Variants in PCNT observed in about 807,000 individuals in gnomAD.
The protein encoded by PCNT is kendrin.
PCNT carries 319 observed loss-of-function variants against 380.4 expected under a neutral mutation model. The observed-to-expected ratio is 0.84, with a 90% confidence interval of 0.77 to 0.92. The LOEUF (loss-of-function observed/expected upper bound fraction) is 0.92. PCNT is among the 40% of genes least tolerant of loss of function. The probability of loss-of-function intolerance (pLI) is 0.00; values close to 1 mark genes in which losing one functional copy is unlikely to be tolerated. For missense variants in PCNT, 4,400 were observed against 4,255.3 expected (o/e 1.03, Z -0.95); for synonymous variants, 1,845 against 1,735.2 (o/e 1.06, Z -1.57).
At chr21:46,394,549 A>C (rs1044105604) in intron 21 of PCNT, 29 of 984,582 alleles carry the variant, frequency 2.9e-5, no homozygotes, top group Non-Finnish European at 3.0e-5. Context: ...TTGTAAAGAC[A>C]AACGATTGAT....
At chr21:46,412,122 C>T in intron 28 of PCNT, 55 bp downstream of exon 28, 1 of 1,572,610 alleles carries the variant, frequency 6.4e-7, no homozygotes, top group Non-Finnish European at 8.6e-7. Flanking sequence ...TCCTTTTCTC[C>T]TTTGATGTCA....
intron 40 of PCNT, among the ~76,000 whole-genome samples, chr21:46,437,809 C>T (rs753962135): frequency 6.6e-6 from 1 of 152,214 alleles, no homozygotes; most frequent in East Asian, 1.9e-4. Flanking sequence ...GCGTGCCCAC[C>T]CTCCACAGGC....
chr21:46,417,689 C>A (rs1188998364), intron 30 of PCNT, among the ~76,000 whole-genome samples: 1 of 151,848 alleles, frequency 6.6e-6, no homozygotes, highest in Non-Finnish European at 1.5e-5. Flanking sequence ...TTGCTTGAGC[C>A]CAGGAATTTG....
At chr21:46,327,473 T>C (rs2083430866) in intron 2 of PCNT, among the ~76,000 whole-genome samples, 1 of 152,048 alleles carries the variant, frequency 6.6e-6, no homozygotes, top group Non-Finnish European at 1.5e-5. Flanking sequence ...TGATCACAGG[T>C]CACTGCAGCC....
At chr21:46,349,250 A>G (rs1243477609) in intron 7 of PCNT, 64 bp downstream of exon 7, 16 of 1,255,914 alleles carry the variant, frequency 1.3e-5, no homozygotes, top group Non-Finnish European at 1.8e-5. Flanking sequence ...ACTGGAAGGA[A>G]TGTCGTTCAT....
chr21:46,325,228 C>G lies in PCNT; in HGVS notation c.54+946C>G, dbSNP rs1024953391. The stretch of plus-strand genomic sequence containing the variant: ...TCTGCGAGGTGCGCGCCGCTCCCCC[C>G]CAGGATGTTCTGGCTGGGGTGCTGG... On this transcript the variant is annotated intron_variant, in intron 1 of 46. Coordinates refer to ENST00000359568, the MANE Select transcript of PCNT (RefSeq NM_006031.6). 7.1e-6 allele frequency: 7 copies of G among 982,328 alleles called. No individual in the cohort carries two copies. In the East Asian group the frequency reaches 4.5e-4, roughly 64 times the overall value. The allele number at this position is 982,328 out of a possible 1,614,324, so 60.9% of individuals were successfully genotyped here. A position where few individuals can be genotyped will look rare whatever the true frequency, so the allele number is the denominator to read the frequency against.
chr21:46,326,133 T>G (rs1246923632), intron 1 of PCNT, among the ~76,000 whole-genome samples: 1 of 152,260 alleles, frequency 6.6e-6, no homozygotes, highest in Non-Finnish European at 1.5e-5. Flanking sequence ...AGGAAAGCTA[T>G]TCTGCCAATC....
At chr21:46,383,261 G>A (rs1187956684) in intron 16 of PCNT, among the ~76,000 whole-genome samples, 1 of 147,320 alleles carries the variant, frequency 6.8e-6, no homozygotes, top group African/African-American at 2.5e-5. Flanking sequence ...TTCAGTGATG[G>A]AAGCGCATTC....
intron 21 of PCNT, among the ~76,000 whole-genome samples, chr21:46,392,242 ATGGAGTCTCGC>A (rs1322818488): frequency 2.6e-5 from 4 of 151,596 alleles, no homozygotes; most frequent in African/African-American, 9.7e-5. Flanking sequence ...TTTTTTTGAG[ATGGAGTCTCGC>A]TGTGTCCCCA....
At position 46,337,136 on chromosome 21, in the gene PCNT, T is replaced by G. The variant is rs148908621; in HGVS notation, c.639+2368T>G. Among the ~76,000 whole-genome samples, 115 of 152,210 alleles carry G rather than the reference T, an allele frequency of 7.6e-4. 2 individuals are homozygous for G. The highest frequency in any genetic ancestry group is 2.6e-3 in the African/African-American group (106 of 41,534). Reference sequence around the variant, plus strand: ...CCTCAGCCTCTCTAGTAGCTGCGATTACAAGTGCTGCCACCATGCCTGGCT... The same window carrying G: ...CCTCAGCCTCTCTAGTAGCTGCGATGACAAGTGCTGCCACCATGCCTGGCT... On this transcript the variant is annotated intron_variant, in intron 3 of 46. Transcript: ENST00000359568.
At chr21:46,367,255 G>A (rs2084961354) in intron 15 of PCNT, 116 bp downstream of exon 15, 3 of 837,500 alleles carry the variant, frequency 3.6e-6, no homozygotes, top group Non-Finnish European at 5.8e-6. Flanking sequence ...GGGTGTCTGT[G>A]TGTCTCACAG....
chr21:46,352,376 C>T (rs968582175), intron 9 of PCNT, among the ~76,000 whole-genome samples: 3 of 152,142 alleles, frequency 2.0e-5, no homozygotes, highest in African/African-American at 7.2e-5. Flanking sequence ...GTCTGTCTGT[C>T]GCTGGAGGCT....
intron 2 of PCNT, among the ~76,000 whole-genome samples, chr21:46,332,671 T>G (rs530409354): frequency 2.0e-4 from 31 of 152,356 alleles, no homozygotes; most frequent in African/African-American, 7.0e-4. Flanking sequence ...TATTTTCACG[T>G]CAGTTTTGCC....
chr21:46,378,693 G>T (rs2085410055), intron 15 of PCNT, among the ~76,000 whole-genome samples: 1 of 152,186 alleles, frequency 6.6e-6, no homozygotes, highest in Non-Finnish European at 1.5e-5. Context: ...AGACAAAGGG[G>T]ACTGATATAT....
chr21:46,392,643 T>C (rs1219029931), intron 21 of PCNT, among the ~76,000 whole-genome samples: 1 of 152,238 alleles, frequency 6.6e-6, no homozygotes, highest in East Asian at 1.9e-4. Flanking sequence ...CCACCTGTGG[T>C]GCTCGTGTTG....
rs142608069 is a variant in PCNT, at chr21:46,431,862, C to T, written c.8398C>T (p.Arg2800Trp). The T allele has an allele frequency of 2.4e-4, 385 of 1,613,878 alleles. No homozygotes were observed. The highest frequency in any genetic ancestry group is 3.1e-4 in the Non-Finnish European group (363 of 1,180,040). ...GCAGAAGCTGAAGGAGGAGAAGTCC[C>T]GGGTGGTGGACTTGCAAGCGATGCT... Reference protein sequence around the residue: ...LLQKLKEEKSRVVDLQAMLEK... With the variant: ...LLQKLKEEKSWVVDLQAMLEK... Residue 2800 changes from arginine to tryptophan, a missense_variant, in exon 38 of 47, where the codon CGG (arginine) becomes TGG (tryptophan). By Grantham distance (101) the Arg-to-Trp change is moderately radical. Transcript: ENST00000359568.
intron 15 of PCNT, among the ~76,000 whole-genome samples, chr21:46,370,685 C>G (rs982203034): frequency 1.3e-5 from 2 of 152,134 alleles, no homozygotes; most frequent in Non-Finnish European, 2.9e-5. Flanking sequence ...GTGGGATGAT[C>G]TCTTGAGCTC....
Position 46,440,215 on chromosome 21 carries a change from C to G in PCNT, c.9393+13C>G, listed in dbSNP as rs1320971585. 1 of 1,613,530 alleles carries G rather than the reference C, an allele frequency of 6.2e-7. No individual in the cohort carries two copies. The highest frequency in any genetic ancestry group is 8.5e-7 in the Non-Finnish European group (1 of 1,179,978). On this transcript the variant is annotated intron_variant, in intron 42 of 46. Transcript: ENST00000359568. The stretch of plus-strand genomic sequence containing the variant: ...CAGCAATGTCAAGGTAGGAACGGTG[C>G]CACGAGTATAGAACTTTGGTGCTTT...
intron 46 of PCNT, 46 bp downstream of exon 46, chr21:46,444,867 T>C (rs1279041015): frequency 1.9e-6 from 3 of 1,588,914 alleles, no homozygotes; most frequent in East Asian, 4.5e-5. Flanking sequence ...ATTATCACTG[T>C]ACCCTGGAAA....
Sources: gnomAD v4.1 joint callset for allele counts (sites outside exome capture counted in the v4.1 genomes callset) on GRCh38, gnomAD v4.1.1 for gene constraint, MANE v1.5 for transcripts, NCBI Gene and HGNC (gene_info 2026-07-23, HGNC 2026-07-21) for gene names.